Variants in HDAC9 observed in about 807,000 individuals in gnomAD.
HDAC9 encodes histone deacetylase 9, also known as MEF-2 interacting transcription repressor (MITR) protein.
In HDAC9, 41 loss-of-function variants were observed where a neutral mutation model predicts 139.4. The ratio of observed to expected loss-of-function variants is 0.29; its 90% confidence interval spans 0.23 to 0.38. HDAC9 has a LOEUF of 0.38. Ranked by LOEUF, HDAC9 falls within the 10% of genes least tolerant of loss-of-function variation. The pLI is 1.00. For synonymous variants in HDAC9, 517 were observed against 476.2 expected (o/e 1.09, Z -1.12); for missense variants, 1,147 against 1,297.0 (o/e 0.88, Z 1.78).
At chr7:18,315,515 G>C (rs1799578749) in intron 1 of HDAC9, among the ~76,000 whole-genome samples, 1 of 152,182 alleles carries the variant, frequency 6.6e-6, no homozygotes, top group Non-Finnish European at 1.5e-5. Context: ...ACACCTCTCT[G>C]CTGTAAGCCT....
chr7:18,362,183 C>A lies in HDAC9; in HGVS notation c.-42+71668C>A, dbSNP rs143437994. On this transcript the variant is annotated intron_variant, in intron 1 of 3. Coordinates refer to the HDAC9 transcript ENST00000413509. ...AAATGATCTAACCTTTCATACTTGACCATGTAGACTTTCCGCATTTATTCC... is the reference window on the plus strand; with the variant it reads ...AAATGATCTAACCTTTCATACTTGAACATGTAGACTTTCCGCATTTATTCC... Among the ~76,000 whole-genome samples, 416 of 152,292 alleles carry A rather than the reference C, an allele frequency of 2.7e-3. 1 individual carries two copies. Among genetic ancestry groups the A allele is most frequent in the Non-Finnish European group, 4.2e-3 (288 of 68,012 alleles).
At chr7:18,402,080 A>T (rs1453969209) in intron 1 of HDAC9, among the ~76,000 whole-genome samples, 1 of 152,212 alleles carries the variant, frequency 6.6e-6, no homozygotes, top group Non-Finnish European at 1.5e-5. Context: ...TGAGAAAGGA[A>T]ACAACTAATA....
chr7:18,902,711 T>A (rs1324121664), intron 22 of HDAC9, among the ~76,000 whole-genome samples: 1 of 152,178 alleles, frequency 6.6e-6, no homozygotes, highest in African/African-American at 2.4e-5. Context: ...TCCTAAAATA[T>A]AATTATTTAG....
At chr7:18,349,898 G>C (rs984337756) in intron 1 of HDAC9, among the ~76,000 whole-genome samples, 1 of 151,956 alleles carries the variant, frequency 6.6e-6, no homozygotes. Flanking sequence ...TGGAAATTAG[G>C]GCTTTGGAAC....
At chr7:18,619,052 T>C (rs931572516) in intron 6 of HDAC9, among the ~76,000 whole-genome samples, 1 of 152,134 alleles carries the variant, frequency 6.6e-6, no homozygotes, top group African/African-American at 2.4e-5. Context: ...TAGATAGATT[T>C]TTAAATTTGT....
chr7:18,142,861 GGCGTAAACCGATAGCAGC>G (rs2128111270), intron 1 of HDAC9, among the ~76,000 whole-genome samples: 1 of 152,276 alleles, frequency 6.6e-6, no homozygotes, highest in East Asian at 1.9e-4. Context: ...CCAAGTGTGT[GGCGTAAACCGATAGCAGC>G]CACCATTATA....
chr7:18,318,627 T>C (rs1799817976), intron 1 of HDAC9, among the ~76,000 whole-genome samples: 1 of 152,196 alleles, frequency 6.6e-6, no homozygotes, highest in Non-Finnish European at 1.5e-5. Flanking sequence ...AATTAGCAAG[T>C]TGCTAGTAAG....
At chr7:18,552,198 T>C (rs542094841) in intron 2 of HDAC9, among the ~76,000 whole-genome samples, 3 of 152,192 alleles carry the variant, frequency 2.0e-5, no homozygotes, top group African/African-American at 4.8e-5. Context: ...TATTTTTACA[T>C]TAGGTTTATG....
chr7:18,934,742 G>A (rs938569920), intron 22 of HDAC9, among the ~76,000 whole-genome samples: 4 of 152,034 alleles, frequency 2.6e-5, no homozygotes, highest in African/African-American at 9.7e-5. Context: ...GGTGGGGCTT[G>A]GTAATAGCCC....
intron 21 of HDAC9, among the ~76,000 whole-genome samples, chr7:18,873,485 T>A (rs1241647453): frequency 1.3e-5 from 2 of 152,182 alleles, no homozygotes; most frequent in Middle Eastern, 3.2e-3. Flanking sequence ...TAACATTTTT[T>A]AAATATAAAA....
At chr7:18,153,337 G>A (rs1786922144) in intron 1 of HDAC9, among the ~76,000 whole-genome samples, 1 of 130,232 alleles carries the variant, frequency 7.7e-6, no homozygotes, top group Non-Finnish European at 1.6e-5. Context: ...CAAGAGCCCT[G>A]TTATGGAATT....
chr7:18,392,606 A>G (rs982045982), intron 1 of HDAC9, among the ~76,000 whole-genome samples: 2 of 151,970 alleles, frequency 1.3e-5, no homozygotes, highest in Non-Finnish European at 2.9e-5. Flanking sequence ...AACTAATGCA[A>G]TTTTCCAGAG....
intron 12 of HDAC9, among the ~76,000 whole-genome samples, chr7:18,682,401 A>G (rs1781948634): frequency 6.6e-6 from 1 of 151,946 alleles, no homozygotes. Flanking sequence ...TATTTTCCTT[A>G]TATGTATAGA....
At chr7:18,358,616 G>C (rs1269130998) in intron 1 of HDAC9, among the ~76,000 whole-genome samples, 2 of 152,168 alleles carry the variant, frequency 1.3e-5, no homozygotes, top group Admixed American at 6.5e-5. Context: ...AACTTGATAA[G>C]TATACCTACA....
At chr7:18,961,635 G>A (rs1783535027) in intron 24 of HDAC9, among the ~76,000 whole-genome samples, 1 of 152,138 alleles carries the variant, frequency 6.6e-6, no homozygotes, top group South Asian at 2.1e-4. Flanking sequence ...TAAGATGATA[G>A]CAAATAATAA....
At chr7:18,626,296 C>A (rs1017341648) in intron 6 of HDAC9, among the ~76,000 whole-genome samples, 2 of 152,172 alleles carry the variant, frequency 1.3e-5, no homozygotes, top group East Asian at 3.9e-4. Context: ...CCTGGCCTCT[C>A]CCTCCTCCTT....
chr7:18,360,610 AT>A (rs1397898748), intron 1 of HDAC9, among the ~76,000 whole-genome samples: 2 of 152,174 alleles, frequency 1.3e-5, no homozygotes, highest in Non-Finnish European at 2.9e-5. Flanking sequence ...GTCCACTTCA[AT>A]CTCATCTCCT....
chr7:18,115,031 C>G (rs1455121430), intron 1 of HDAC9, among the ~76,000 whole-genome samples: 1 of 152,160 alleles, frequency 6.6e-6, no homozygotes, highest in Non-Finnish European at 1.5e-5. Context: ...GTGGCTCATG[C>G]CTGTAATCCC....
At chr7:18,795,289 A>AAAAAAAAAAAAAAAAAAG (rs1792700829) in intron 17 of HDAC9, among the ~76,000 whole-genome samples, 1 of 144,286 alleles carries the variant, frequency 6.9e-6, no homozygotes, top group African/African-American at 2.5e-5. Flanking sequence ...AAAAAAAGAA[A>AAAAAAAAAAAAAAAAAAG]AGCCAGCCTA....
Sources: gnomAD v4.1 joint callset for allele counts (sites outside exome capture counted in the v4.1 genomes callset) on GRCh38, gnomAD v4.1.1 for gene constraint, MANE v1.5 for transcripts, NCBI Gene and HGNC (gene_info 2026-07-23, HGNC 2026-07-21) for gene names.